TASL: variants seen among roughly 807,000 people sequenced by gnomAD.
TASL encodes the protein TLR adapter interacting with SLC15A4 on the lysosome.
TASL carries 6 observed loss-of-function variants against 12.9 expected under a neutral mutation model. The ratio of observed to expected loss-of-function variants is 0.46; its 90% CI spans 0.25 to 0.92. TASL has a LOEUF of 0.92. TASL is among the 40% of genes least tolerant of loss of function. TASL has a pLI of 0.17. For synonymous variants in TASL, 85 were observed against 79.3 expected (o/e 1.07, Z -0.38); for missense variants, 165 against 212.8 (o/e 0.78, Z 1.40).
rs377147619 is a variant in TASL at position 30,559,633 on chromosome X, C to T, written c.723G>A (p.Ala241=). 7.3e-5 allele frequency: 88 copies of T among 1,208,260 alleles called. No homozygotes were observed. The highest frequency in any genetic ancestry group is 8.9e-5 in the East Asian group (3 of 33,783). Residue 241 remains alanine, a synonymous_variant, in exon 3 of 3, where the codon GCG becomes GCA. Coordinates refer to ENST00000378962, the MANE Select transcript of TASL (RefSeq NM_025159.3). ...FHDSSPTQIL[A]SELIMTSVDQ... is the part of the protein sequence containing the mutation. ...CTACACTTGTCATGATGAGTTCAGACGCCAGAATCTGGGTAGGAGAACTGT... is the reference window on the plus strand; with the variant it reads ...CTACACTTGTCATGATGAGTTCAGATGCCAGAATCTGGGTAGGAGAACTGT...
At chrX:30,568,583 C>T (rs1930536748) in intron 2 of TASL, among the ~76,000 whole-genome samples, 1 of 110,822 alleles carries the variant, frequency 9.0e-6, no homozygotes, top group South Asian at 3.9e-4. Flanking sequence ...TCCCAGTTTG[C>T]CGAATCCCCC....
chrX:30,574,759 T>A (rs1047527189), intron 2 of TASL, among the ~76,000 whole-genome samples: 3 of 112,176 alleles, frequency 2.7e-5, no homozygotes, highest in Non-Finnish European at 5.6e-5. Context: ...ATAGTACATC[T>A]AAAGACACAT....
intron 1 of TASL, among the ~76,000 whole-genome samples, 162 bp from the exon 2 acceptor site, chrX:30,577,028 G>A (rs781011120): frequency 5.5e-4 from 62 of 112,024 alleles, no homozygotes; most frequent in Non-Finnish European, 1.0e-3. Context: ...AATACCAAAA[G>A]GGAAGCTTTC....
intron 2 of TASL, among the ~76,000 whole-genome samples, chrX:30,569,974 C>A (rs1225810841): frequency 9.2e-6 from 1 of 108,386 alleles, no homozygotes; most frequent in Admixed American, 9.9e-5. Context: ...GCCCAGATAG[C>A]GCCACTGCAC....
intron 2 of TASL, among the ~76,000 whole-genome samples, chrX:30,575,514 T>C (rs1420087567): frequency 8.9e-6 from 1 of 111,859 alleles, no homozygotes; most frequent in East Asian, 2.8e-4. Flanking sequence ...ATTGAATTTA[T>C]TGATGAATGC....
At chrX:30,571,167 C>A (rs1429591867) in intron 2 of TASL, among the ~76,000 whole-genome samples, 2 of 85,562 alleles carry the variant, frequency 2.3e-5, no homozygotes, top group African/African-American at 4.5e-5. Flanking sequence ...ACAACAAGAG[C>A]AAAATTTAGT....
At chrX:30,574,871 C>A (rs1930684437) in intron 2 of TASL, among the ~76,000 whole-genome samples, 1 of 111,747 alleles carries the variant, frequency 8.9e-6, no homozygotes, top group Admixed American at 9.5e-5. Context: ...TTCCACAGGC[C>A]AGATTTGGAG....
Position 30,568,186 on chromosome X carries a change from C to T in TASL, c.-1-7830G>A, listed in dbSNP as rs775411050. 4.9e-4 allele frequency among the ~76,000 whole-genome samples: 54 copies of T among 110,383 alleles called. No individual in the cohort carries two copies. The East Asian group carries it at 7.2e-3, about 15-fold the overall frequency. ...TGGGGAGGCGGAGGTTGCAGTGAGT[C>T]GAGATCGTGCCACTGCACTCCAGCC... On this transcript the variant is annotated intron_variant, in intron 2 of 2. Transcript: ENST00000378962.
chrX:30,566,140 C>T (rs1359878432), intron 2 of TASL, among the ~76,000 whole-genome samples: 1 of 111,080 alleles, frequency 9.0e-6, no homozygotes, highest in African/African-American at 3.3e-5. Context: ...TTTTAGCATA[C>T]TAAAGTAACA....
chrX:30,576,364 A>T (rs1225518176), intron 2 of TASL, among the ~76,000 whole-genome samples: 1 of 111,466 alleles, frequency 9.0e-6, no homozygotes, highest in African/African-American at 3.3e-5. Flanking sequence ...GCATATGTGC[A>T]TGCGTGTGTG....
intron 2 of TASL, among the ~76,000 whole-genome samples, chrX:30,573,318 C>A (rs780052492): frequency 3.6e-5 from 4 of 112,113 alleles, no homozygotes; most frequent in African/African-American, 1.3e-4. Flanking sequence ...ATTAGTCCTT[C>A]CAGGAAAAGG....
chrX:30,571,980 A>G (rs1400842050), intron 2 of TASL, among the ~76,000 whole-genome samples: 1 of 110,431 alleles, frequency 9.1e-6, no homozygotes, highest in African/African-American at 3.3e-5. Flanking sequence ...TAGAGAAGCT[A>G]TATATATATA....
chrX:30,564,198 G>T, intron 2 of TASL, among the ~76,000 whole-genome samples: 1 of 111,612 alleles, frequency 9.0e-6, no homozygotes, highest in South Asian at 3.8e-4. Flanking sequence ...AAACCTCAAT[G>T]GAAGGATTGA....
intron 2 of TASL, among the ~76,000 whole-genome samples, chrX:30,571,165 A>G (rs982582794): frequency 2.9e-5 from 3 of 105,131 alleles, no homozygotes; most frequent in East Asian, 5.9e-4. Context: ...GAACAACAAG[A>G]GCAAAATTTA....
intron 2 of TASL, among the ~76,000 whole-genome samples, chrX:30,570,236 T>TCTCA (rs776508369): frequency 0.01 from 1,042 of 99,787 alleles, 12 homozygotes; most frequent in African/African-American, 0.036. Context: ...ACTCTCTCTC[T>TCTCA]CACACACACA....
intron 2 of TASL, among the ~76,000 whole-genome samples, chrX:30,571,326 G>C (rs746806765): frequency 1.9e-5 from 2 of 105,513 alleles, no homozygotes; most frequent in African/African-American, 6.9e-5. Context: ...AAGAAAGAAA[G>C]AAACCCATTT....
At chrX:30,577,416 G>T (rs1178699958) in intron 1 of TASL, among the ~76,000 whole-genome samples, 1 of 111,935 alleles carries the variant, frequency 8.9e-6, no homozygotes, top group African/African-American at 3.2e-5. Flanking sequence ...GACACGAGGA[G>T]GTAAGGAAAG....
chrX:30,562,530 A>C (rs369958138), intron 2 of TASL, among the ~76,000 whole-genome samples: 1 of 111,771 alleles, frequency 8.9e-6, no homozygotes, highest in East Asian at 2.8e-4. Context: ...CATGATCTCC[A>C]TAGACTACAA....
intron 2 of TASL, among the ~76,000 whole-genome samples, chrX:30,574,779 G>A (rs1005686800): frequency 6.3e-5 from 7 of 111,898 alleles, no homozygotes; most frequent in African/African-American, 2.3e-4. Flanking sequence ...TCTTATTTTA[G>A]TAAATCATTT....
Sources: gnomAD v4.1 joint callset for allele counts (sites outside exome capture counted in the v4.1 genomes callset) on GRCh38, gnomAD v4.1.1 for gene constraint, MANE v1.5 for transcripts, NCBI Gene and HGNC (gene_info 2026-07-23, HGNC 2026-07-21) for gene names.